Variants in PCNX1 observed in about 807,000 individuals in gnomAD.
PCNX1 encodes pecanex 1, also known as pecanex-like protein 1.
A neutral mutation model predicts 242.2 loss-of-function variants in PCNX1; 78 were observed. The observed-to-expected ratio is 0.32, with a 90% CI of 0.27 to 0.39. The LOEUF (loss-of-function observed/expected upper bound fraction) is 0.39. Among genes scored for constraint, PCNX1 ranks in the 10% least tolerant of loss-of-function variants. PCNX1 has a pLI of 1.00. For missense variants in PCNX1, 2,581 were observed against 2,856.5 expected (o/e 0.90, Z 2.20); for synonymous variants, 1,024 against 1,032.9 (o/e 0.99, Z 0.17).
At chr14:71,006,674 T>C (rs1378484659) in intron 8 of PCNX1, among the ~76,000 whole-genome samples, 1 of 152,202 alleles carries the variant, frequency 6.6e-6, no homozygotes, top group Non-Finnish European at 1.5e-5. Context: ...AATAGTAAAA[T>C]TGCTGTGTAT....
chr14:70,998,577 C>G (rs2059417622), intron 8 of PCNX1, among the ~76,000 whole-genome samples: 1 of 151,034 alleles, frequency 6.6e-6, no homozygotes, highest in African/African-American at 2.4e-5. Context: ...ATGGTGAATC[C>G]CCATCTCTAC....
intron 31 of PCNX1, among the ~76,000 whole-genome samples, chr14:71,102,973 A>G (rs183298877): frequency 6.6e-6 from 1 of 152,246 alleles, no homozygotes; most frequent in Non-Finnish European, 1.5e-5. Flanking sequence ...TAAGAGGCTT[A>G]ATTTCTGAAA....
At chr14:70,948,641 A>G (rs59880130) in intron 2 of PCNX1, among the ~76,000 whole-genome samples, 1 of 150,916 alleles carries the variant, frequency 6.6e-6, no homozygotes, top group Non-Finnish European at 1.5e-5. Context: ...ATAGTTGTGT[A>G]TATATAGATG....
intron 20 of PCNX1, among the ~76,000 whole-genome samples, chr14:71,046,482 A>T (rs1430125972): frequency 1.3e-5 from 2 of 152,036 alleles, no homozygotes; most frequent in Non-Finnish European, 2.9e-5. Context: ...AAGCCAGGTG[A>T]TGCTATTTTC....
intron 12 of PCNX1, among the ~76,000 whole-genome samples, chr14:71,022,681 GCTTAA>G (rs1402575951): frequency 1.3e-5 from 2 of 152,204 alleles, no homozygotes; most frequent in South Asian, 4.1e-4. Context: ...AAAGGATACA[GCTTAA>G]CTTATTTGAT....
chr14:70,941,397 TCCAGACC>T (rs1251782695), intron 1 of PCNX1, among the ~76,000 whole-genome samples: 1 of 152,180 alleles, frequency 6.6e-6, no homozygotes, highest in African/African-American at 2.4e-5. Flanking sequence ...GGAGGTCCAC[TCCAGACC>T]CTGTTTGCCT....
At chr14:70,928,708 A>G (rs2056678790) in intron 1 of PCNX1, among the ~76,000 whole-genome samples, 1 of 152,142 alleles carries the variant, frequency 6.6e-6, no homozygotes, top group African/African-American at 2.4e-5. Context: ...CCATTCTTTC[A>G]GTTTTTACTT....
intron 33 of PCNX1, among the ~76,000 whole-genome samples, chr14:71,105,959 A>G (rs961120110): frequency 7.4e-5 from 11 of 149,552 alleles, no homozygotes; most frequent in South Asian, 4.2e-4. Flanking sequence ...TGATAATTCA[A>G]CATAAACATT....
intron 26 of PCNX1, among the ~76,000 whole-genome samples, chr14:71,060,381 G>GA (rs367782354): frequency 6.6e-6 from 1 of 151,850 alleles, no homozygotes; most frequent in Non-Finnish European, 1.5e-5. Flanking sequence ...CTTGTACTTA[G>GA]AAAAAAAAGT....
intron 5 of PCNX1, among the ~76,000 whole-genome samples, chr14:70,974,380 G>A (rs143489561): frequency 2.8e-4 from 43 of 151,638 alleles, no homozygotes; most frequent in African/African-American, 1.0e-3. Flanking sequence ...TGATCCACCT[G>A]CCTCGGCCTC....
chr14:71,048,051 GA>G, intron 22 of PCNX1, 67 bp downstream of exon 22: 1 of 1,127,880 alleles, frequency 8.9e-7, no homozygotes, highest in Non-Finnish European at 1.2e-6. Flanking sequence ...ATGCTAGTCA[GA>G]ATTTTTCTTA....
In PCNX1 at chr14:71,110,979, TAGTC is replaced by T. The variant is rs1415739320; in HGVS notation, c.*1046_*1049del. On this transcript the variant is annotated 3_prime_UTR_variant, in exon 36 of 36. Coordinates refer to ENST00000304743, the MANE Select transcript of PCNX1 (RefSeq NM_014982.3). ...TGAAGTTATTCACATGCAGTTCAGT[TAGTC>T]AAGTAAAATTTTTTTTCAAATAAAA... is the stretch of plus-strand genomic sequence containing the variant. 3 of 152,782 alleles carry T rather than the reference TAGTC, an allele frequency of 2.0e-5. No homozygotes were observed. The East Asian group carries it at 5.8e-4, about 29-fold the overall frequency. The allele number at this position is 152,782 out of a possible 1,614,324, so 9.5% of individuals were successfully genotyped here.
chr14:70,908,113 A>C (rs964140087), intron 1 of PCNX1, 110 bp downstream of exon 1: 2 of 1,039,566 alleles, frequency 1.9e-6, no homozygotes, highest in South Asian at 2.1e-5. Flanking sequence ...GGGGGCCGCC[A>C]CCCTCTCGGT....
chr14:71,042,930 G>A (rs997096466), intron 19 of PCNX1, among the ~76,000 whole-genome samples: 1 of 152,042 alleles, frequency 6.6e-6, no homozygotes, highest in African/African-American at 2.4e-5. Context: ...TCATGATGGT[G>A]ATATCATCCT....
At chr14:70,993,867 TTC>T (rs2059247103) in intron 7 of PCNX1, among the ~76,000 whole-genome samples, 1 of 152,210 alleles carries the variant, frequency 6.6e-6, no homozygotes, top group East Asian at 1.9e-4. Flanking sequence ...TTTAGATAGA[TTC>T]TGAGGAAGAG....
chr14:70,933,860 T>C (rs1410359555), intron 1 of PCNX1, among the ~76,000 whole-genome samples: 1 of 152,226 alleles, frequency 6.6e-6, no homozygotes, highest in East Asian at 1.9e-4. Context: ...TGATAATCAC[T>C]TTGTAACATA....
chr14:71,044,070 G>A (rs538984308), intron 19 of PCNX1, among the ~76,000 whole-genome samples: 10 of 152,260 alleles, frequency 6.6e-5, no homozygotes, highest in South Asian at 2.1e-4. Context: ...TGTACTCTCC[G>A]TATGATTTCT....
At chr14:70,910,441 A>G (rs576365850) in intron 1 of PCNX1, among the ~76,000 whole-genome samples, 44 of 151,644 alleles carry the variant, frequency 2.9e-4, no homozygotes, top group Middle Eastern at 3.4e-3. Context: ...TCTCAACCAC[A>G]CACACATTTG....
chr14:70,998,210 T>C (rs1205314598), intron 8 of PCNX1, among the ~76,000 whole-genome samples: 1 of 152,174 alleles, frequency 6.6e-6, no homozygotes, highest in Non-Finnish European at 1.5e-5. Context: ...CTTTATTTTG[T>C]GGTGTCACAA....
Sources: allele counts gnomAD v4.1 joint callset (sites outside exome capture counted in the v4.1 genomes callset), GRCh38; gene constraint gnomAD v4.1.1; transcripts MANE v1.5; gene names NCBI Gene and HGNC (gene_info 2026-07-23, HGNC 2026-07-21).